FPR3: variants seen among roughly 807,000 people sequenced by gnomAD.
FPR3 encodes formyl peptide receptor 3, also known as N-formyl peptide receptor 3.
For synonymous variants in FPR3, 135 were observed against 163.6 expected (o/e 0.83, Z 1.34); for missense variants, 346 against 443.2 (o/e 0.78, Z 1.97).
At chr19:51,813,599 C>T (rs754124821) in intron 1 of FPR3, among the ~76,000 whole-genome samples, 2 of 151,810 alleles carry the variant, frequency 1.3e-5, no homozygotes, top group Non-Finnish European at 2.9e-5. Flanking sequence ...GGCGTGATCT[C>T]GGCTCACTGC....
chr19:51,824,309 T>G lies in FPR3; in HGVS notation c.561T>G (p.Ala187=), dbSNP rs1278236930. The G allele has an allele frequency of 3.1e-6, 5 of 1,614,082 alleles. No individual in the cohort carries two copies. The Admixed American group carries it at 8.3e-5, about 27-fold the overall frequency. ...ACTTTGCATTCTGGGGTGACACTGC[T>G]GTAGAGAGGTTGAACGTGTTCATTA... ...IFNFAFWGDT[A]VERLNVFITM... The change falls in exon 2 of 2, where the codon GCT becomes GCG. Residue 187 remains alanine, a synonymous_variant. Transcript: ENST00000339223. This position sits in a 1 kb window ranked among gnomAD's most constrained non-coding sequence, Gnocchi z 4.7.
At chr19:51,810,954 T>C (rs1161969860) in intron 1 of FPR3, among the ~76,000 whole-genome samples, 1 of 152,160 alleles carries the variant, frequency 6.6e-6, no homozygotes, top group African/African-American at 2.4e-5. Context: ...GGTCTCTAGT[T>C]CTGCTACCAA....
intron 1 of FPR3, among the ~76,000 whole-genome samples, chr19:51,813,811 G>A (rs943494400): frequency 6.6e-6 from 1 of 152,174 alleles, no homozygotes; most frequent in African/African-American, 2.4e-5. Context: ...TGGGATTACA[G>A]GCATAAGCCA....
intron 1 of FPR3, among the ~76,000 whole-genome samples, chr19:51,805,835 A>G (rs1261649511): frequency 6.6e-6 from 1 of 152,220 alleles, no homozygotes; most frequent in African/African-American, 2.4e-5. Context: ...TACGGGCACA[A>G]TAAGTAACCT....
intron 1 of FPR3, among the ~76,000 whole-genome samples, chr19:51,814,212 G>A (rs1218997446): frequency 6.6e-6 from 1 of 152,138 alleles, no homozygotes; most frequent in Non-Finnish European, 1.5e-5. Context: ...TGTCTTCATG[G>A]TTGTGTTGTT....
At chr19:51,807,649 C>T (rs1349433984) in intron 1 of FPR3, among the ~76,000 whole-genome samples, 1 of 152,112 alleles carries the variant, frequency 6.6e-6, no homozygotes, top group African/African-American at 2.4e-5. Context: ...AGTCTGTCCA[C>T]CTGGAATAGG....
Position 51,795,504 on chromosome 19 carries a change from C to CCTTTTTTTTTTTTTTTTTTTT in FPR3, c.-11+173_-11+174insCTTTTTTTTTTTTTTTTTTTT, listed in dbSNP as rs1568425575. The stretch of plus-strand genomic sequence containing the variant: ...TTTGGTTACATGTTCCAGTAACATT[C>CCTTTTTTTTTTTTTTTTTTTT]TTTTTTTTTTTTTTTTTTTTTTTTT... On this transcript the variant is annotated intron_variant, in intron 1 of 1. Transcript: ENST00000339223. Among the ~76,000 whole-genome samples the CCTTTTTTTTTTTTTTTTTTTT allele has an allele frequency of 6.7e-5, 5 of 74,732 alleles. 2 individuals carry two copies. Among genetic ancestry groups the CCTTTTTTTTTTTTTTTTTTTT allele is most frequent in the African/African-American group, 1.2e-4 (2 of 16,050 alleles). 49.0% of individuals were successfully genotyped at this position (74,732 alleles called of 152,430 possible). A position where few individuals can be genotyped will look rare whatever the true frequency, so the allele number is the denominator to read the frequency against.
intron 1 of FPR3, among the ~76,000 whole-genome samples, chr19:51,801,655 C>A (rs2084027399): frequency 6.6e-6 from 1 of 152,128 alleles, no homozygotes; most frequent in African/African-American, 2.4e-5. Flanking sequence ...ATGCTGGGTG[C>A]CTGTAATCCC....
intron 1 of FPR3, among the ~76,000 whole-genome samples, chr19:51,797,072 A>G (rs2084004240): frequency 1.3e-5 from 2 of 152,186 alleles, no homozygotes; most frequent in South Asian, 4.1e-4. Flanking sequence ...TCTTGGATAT[A>G]TCTCATGGCA....
chr19:51,816,554 G>A (rs1361557581), intron 1 of FPR3, among the ~76,000 whole-genome samples: 2 of 152,162 alleles, frequency 1.3e-5, no homozygotes, highest in African/African-American at 2.4e-5. Flanking sequence ...GGCCTAAGAT[G>A]TACTCTTTAG....
chr19:51,801,882 G>A (rs1180650111), intron 1 of FPR3, among the ~76,000 whole-genome samples: 1 of 152,162 alleles, frequency 6.6e-6, no homozygotes, highest in Non-Finnish European at 1.5e-5. Flanking sequence ...TGAAAAATGA[G>A]TAGACCTCAC....
intron 1 of FPR3, among the ~76,000 whole-genome samples, chr19:51,822,246 T>C (rs921737437): frequency 1.3e-5 from 2 of 152,228 alleles, no homozygotes; most frequent in African/African-American, 2.4e-5. Flanking sequence ...CATAGTGTTA[T>C]TGCCCAGAAT....
intron 1 of FPR3, among the ~76,000 whole-genome samples, chr19:51,807,870 T>C (rs145295159): frequency 8.1e-4 from 123 of 152,372 alleles, no homozygotes; most frequent in African/African-American, 2.8e-3. Flanking sequence ...TTGTGACCTA[T>C]GCCTGCCCAT....
chr19:51,824,704 C>T lies in FPR3; in HGVS notation c.956C>T (p.Thr319Ile). 1 of 1,614,082 alleles carries T rather than the reference C, an allele frequency of 6.2e-7. No individual in the cohort carries two copies. Among genetic ancestry groups the T allele is most frequent in the Non-Finnish European group, 8.5e-7 (1 of 1,179,986 alleles). ...FQERLIRSLP[T>I]SLERALTEVP... ...GAAAGACTGATTCGCTCTTTGCCCA[C>T]TAGTTTGGAGAGGGCCCTGACTGAG... Residue 319 changes from threonine to isoleucine, a missense_variant, in exon 2 of 2, where the codon ACT (threonine) becomes ATT (isoleucine). Thr to Ile is a moderately conservative substitution (Grantham distance 89). Transcript: ENST00000339223. The surrounding 1 kb of genome is among the most constrained non-coding windows in gnomAD (Gnocchi z 4.7).
Position 51,824,287 on chromosome 19 carries a change from T to C in FPR3, c.539T>C (p.Phe180Ser). The change falls in exon 2 of 2, where the codon TTT becomes TCT. Residue 180 changes from phenylalanine (F) to serine (S), a missense_variant. By Grantham distance (155) the Phe-to-Ser change is radical (BLOSUM62 -2). Transcript: ENST00000339223. The surrounding 1 kb of genome is among the most constrained non-coding windows in gnomAD (Gnocchi z 4.7). ...TNGDTYCIFN[F>S]AFWGDTAVER... ...GGGGACACATACTGTATTTTCAACT[T>C]TGCATTCTGGGGTGACACTGCTGTA... is the stretch of plus-strand genomic sequence containing the variant. 1.2e-6 allele frequency: 2 copies of C among 1,614,168 alleles called. No homozygotes were observed. The highest frequency in any genetic ancestry group is 1.7e-6 in the Non-Finnish European group (2 of 1,180,016).
At chr19:51,808,919 C>T (rs1271959548) in intron 1 of FPR3, among the ~76,000 whole-genome samples, 1 of 152,166 alleles carries the variant, frequency 6.6e-6, no homozygotes, top group Admixed American at 6.5e-5. Flanking sequence ...GGCCATTGAT[C>T]CACCCACACG....
chr19:51,796,375 G>A (rs1038861943), intron 1 of FPR3, among the ~76,000 whole-genome samples: 1 of 152,242 alleles, frequency 6.6e-6, no homozygotes, highest in African/African-American at 2.4e-5. Context: ...GGGAACCTAG[G>A]ATAAGGGAAC....
chr19:51,795,501 A>ATTTTTTTTTTTTTTTTTTTTT (rs1361472024), intron 1 of FPR3, among the ~76,000 whole-genome samples, 170 bp downstream of exon 1: 4 of 77,090 alleles, frequency 5.2e-5, no homozygotes, highest in Non-Finnish European at 9.2e-5. Context: ...TTCCAGTAAC[A>ATTTTTTTTTTTTTTTTTTTTT]TTCTTTTTTT....
intron 1 of FPR3, among the ~76,000 whole-genome samples, chr19:51,796,990 C>T (rs994443959): frequency 2.6e-5 from 4 of 152,026 alleles, no homozygotes; most frequent in South Asian, 2.1e-4. Flanking sequence ...TAGAAAACAC[C>T]GTAAATTGGA....
Sources: gnomAD v4.1 joint callset for allele counts (sites outside exome capture counted in the v4.1 genomes callset) on GRCh38, gnomAD v4.1.1 for gene constraint, Gnocchi (gnomAD v3.1) non-coding constraint, MANE v1.5 for transcripts, NCBI Gene and HGNC (gene_info 2026-07-23, HGNC 2026-07-21) for gene names.